The following TSTD1 variants were observed in gnomAD, a reference collection of about 807,000 sequenced individuals.
The protein encoded by TSTD1 is thiosulfate sulfurtransferase like domain containing 1, also known as thiosulfate:glutathione sulfurtransferase.
TSTD1 carries 7 observed loss-of-function variants against 12.6 expected under a neutral mutation model. The observed-to-expected ratio is 0.55, with a 90% CI of 0.32 to 1.04. The LOEUF is 1.04. Among genes scored for constraint, TSTD1 ranks in the 50% least tolerant of loss-of-function variants. The pLI is 0.05. For synonymous variants in TSTD1, 73 were observed against 59.7 expected (o/e 1.22, Z -1.03); for missense variants, 156 against 151.0 (o/e 1.03, Z -0.17).
intron 3 of TSTD1, 22 bp downstream of exon 3, chr1:161,037,891 T>C: frequency 6.4e-7 from 1 of 1,551,768 alleles, no homozygotes; most frequent in Non-Finnish European, 8.7e-7. Flanking sequence ...ACCTCCCAGC[T>C]AGCAGCCACA....
At position 161,038,594 on chromosome 1, in the gene TSTD1, C is replaced by T; in HGVS notation, c.90G>A (p.Glu30=). The part of the protein sequence containing the change: ...RARLFDVRSR[E]EAAAGTIPGA... ...CTGGGATGGTCCCAGCTGCCGCCTCCTCGCGAGAGCGCACGTCGAAGAGCC... is the reference window on the plus strand; with the variant it reads ...CTGGGATGGTCCCAGCTGCCGCCTCTTCGCGAGAGCGCACGTCGAAGAGCC... The change falls in exon 2 of 4, where the codon GAG becomes GAA. Residue 30 remains glutamate (E), a synonymous_variant. Coordinates refer to ENST00000423014, the MANE Select transcript of TSTD1 (RefSeq NM_001113207.2). 1 of 1,550,258 alleles carries T rather than the reference C, an allele frequency of 6.5e-7. No individual in the cohort carries two copies. Among genetic ancestry groups the T allele is most frequent in the South Asian group, 1.2e-5 (1 of 84,014 alleles).
chr1:161,038,709 G>C, intron 1 of TSTD1, 36 bp from the exon 2 acceptor site: 1 of 1,530,212 alleles, frequency 6.5e-7, no homozygotes, highest in South Asian at 1.2e-5. Context: ...AGGAAGAGGG[G>C]GCCTAGGAGT....
chr1:161,038,429 G>T, intron 2 of TSTD1, 122 bp downstream of exon 2: 1 of 1,228,298 alleles, frequency 8.1e-7, no homozygotes, highest in Non-Finnish European at 1.1e-6. Flanking sequence ...GCTGGCTCCC[G>T]GGAATGCAGG....
In TSTD1 at chr1:161,037,762, A is replaced by G; in HGVS notation, c.*13T>C. The G allele has an allele frequency of 6.4e-7, 1 of 1,551,760 alleles. No homozygotes were observed. Among genetic ancestry groups the G allele is most frequent in the Non-Finnish European group, 8.7e-7 (1 of 1,147,002 alleles). ...AGGGGCCAGGGGGTGGCAATCAGTA[A>G]GCTGCCTCCTGCCTAACTCTCTTTC... On this transcript the variant is annotated 3_prime_UTR_variant, in exon 4 of 4. Coordinates refer to ENST00000423014, the MANE Select transcript of TSTD1 (RefSeq NM_001113207.2).
At position 161,038,082 on chromosome 1, in the gene TSTD1, G is replaced by C. The variant is rs1175570309; in HGVS notation, c.134-7C>G. ...GCACTCTCCAACTCGGACACTGGAG[G>C]AGTGGAGAGGGTAGAAGGGAAAGCC... On this transcript the variant is annotated splice_region_variant and splice_polypyrimidine_tract_variant and intron_variant, in intron 2 of 3. Coordinates refer to ENST00000423014, the MANE Select transcript of TSTD1 (RefSeq NM_001113207.2). The C allele has an allele frequency of 6.4e-7, 1 of 1,551,112 alleles. No individual in the cohort carries two copies. Among genetic ancestry groups the C allele is most frequent in the East Asian group, 2.4e-5 (1 of 40,920 alleles).
intron 2 of TSTD1, 175 bp downstream of exon 2, chr1:161,038,376 G>A (rs1327633078): frequency 7.3e-5 from 60 of 822,534 alleles, no homozygotes; most frequent in Non-Finnish European, 1.8e-6. Context: ...CAGTTCCGAT[G>A]CCAAGATCCG....
At position 161,038,030 on chromosome 1, in the gene TSTD1, T is replaced by C; in HGVS notation, c.179A>G (p.Gln60Arg). Residue 60 changes from glutamine (Q) to arginine (R), a missense_variant, in exon 3 of 4, where the codon CAG becomes CGG. Transcript: ENST00000423014. ...TGGCTTCTCAGCAGAATATAAAGCC[T>C]GGAAGGCAGCTGGCTCCATCTGCAG... ...SALQMEPAAF[Q>R]ALYSAEKPKL... 1 of 1,551,676 alleles carries C rather than the reference T, an allele frequency of 6.4e-7. No individual in the cohort carries two copies. Among genetic ancestry groups the C allele is most frequent in the Non-Finnish European group, 8.7e-7 (1 of 1,147,012 alleles).
chr1:161,038,612 G>A lies in TSTD1; in HGVS notation c.72C>T (p.Phe24=), dbSNP rs139587856. ...CCGCCTCCTCGCGAGAGCGCACGTC[G>A]AAGAGCCGGGCCCGTCCGGAGGCTA... ...SLLASGRARL[F]DVRSREEAAA... Residue 24 remains phenylalanine, a synonymous_variant, in exon 2 of 4, where the codon TTC becomes TTT. Transcript: ENST00000423014. 4.4e-5 allele frequency: 68 copies of A among 1,550,442 alleles called. No individual in the cohort carries two copies. In the African/African-American group the frequency reaches 8.3e-4, roughly 19 times the overall value.
Position 161,038,933 on chromosome 1 carries a change from C to A in TSTD1, c.-44G>T, listed in dbSNP as rs1296272202. 1.3e-6 allele frequency: 2 copies of A among 1,547,940 alleles called. No individual in the cohort carries two copies. Among genetic ancestry groups the A allele is most frequent in the African/African-American group, 2.7e-5 (2 of 72,968 alleles). ...GAGTCTCCGGAGTGCGGCCCTGGCCCGCCCTCTCGGCGCCTGCAACATCTC... is the reference window on the plus strand; with the variant it reads ...GAGTCTCCGGAGTGCGGCCCTGGCCAGCCCTCTCGGCGCCTGCAACATCTC... On this transcript the variant is annotated 5_prime_UTR_variant, in exon 1 of 4. Coordinates refer to ENST00000423014, the MANE Select transcript of TSTD1 (RefSeq NM_001113207.2).
chr1:161,038,897 G>GT lies in TSTD1; in HGVS notation c.-9dup. On this transcript the variant is annotated 5_prime_UTR_variant, in exon 1 of 4. Coordinates refer to ENST00000423014, the MANE Select transcript of TSTD1 (RefSeq NM_001113207.2). ...GCAGGTACCTCCAGCCATGGTGCGC[G>GT]TAGCAACCGCGAGTCTCCGGAGTGC... 1 of 1,550,702 alleles carries GT rather than the reference G, an allele frequency of 6.4e-7. No homozygotes were observed. Among genetic ancestry groups the GT allele is most frequent in the Non-Finnish European group, 8.7e-7 (1 of 1,146,354 alleles).
In TSTD1 at chr1:161,038,950, CA is replaced by C; in HGVS notation, c.-62del. The C allele has an allele frequency of 6.5e-7, 1 of 1,547,742 alleles. No homozygotes were observed. Among genetic ancestry groups the C allele is most frequent in the Non-Finnish European group, 8.7e-7 (1 of 1,144,078 alleles). On this transcript the variant is annotated 5_prime_UTR_variant, in exon 1 of 4. Coordinates refer to ENST00000423014, the MANE Select transcript of TSTD1 (RefSeq NM_001113207.2). ...CCCTGGCCCGCCCTCTCGGCGCCTG[CA>C]ACATCTCCCGTTCCCTCCCAGAGCT...
intron 1 of TSTD1, 72 bp downstream of exon 1, chr1:161,038,808 C>T: frequency 6.6e-7 from 1 of 1,526,176 alleles, no homozygotes; most frequent in Non-Finnish European, 8.9e-7. Context: ...TTCGCTCCGC[C>T]ACCCCACTCC....
chr1:161,037,730 G>A lies in TSTD1; in HGVS notation c.*45C>T. 2 of 1,548,716 alleles carry A rather than the reference G, an allele frequency of 1.3e-6. No individual in the cohort carries two copies. Among genetic ancestry groups the A allele is most frequent in the Non-Finnish European group, 1.7e-6 (2 of 1,144,392 alleles). ...CCCGTTCACACCCTTAGTTAAGGTG[G>A]CCATTAAGGGGCCAGGGGGTGGCAA... On this transcript the variant is annotated 3_prime_UTR_variant, in exon 4 of 4. Transcript: ENST00000423014.
chr1:161,038,174 C>T (rs1650306118), intron 2 of TSTD1, 99 bp from the exon 3 acceptor site: 8 of 1,186,790 alleles, frequency 6.7e-6, no homozygotes, highest in Admixed American at 2.7e-5. Context: ...CCCCAAACAA[C>T]ATATGATAAC....
At chr1:161,038,219 A>C (rs1650309040) in intron 2 of TSTD1, 144 bp from the exon 3 acceptor site, 2 of 872,500 alleles carry the variant, frequency 2.3e-6, no homozygotes, top group Admixed American at 2.9e-5. Context: ...CAAGGAACAG[A>C]AACCGACAAC....
intron 1 of TSTD1, 86 bp from the exon 2 acceptor site, chr1:161,038,759 C>G: frequency 1.3e-6 from 2 of 1,519,778 alleles, no homozygotes; most frequent in Non-Finnish European, 1.8e-6. Context: ...CAGCGCCCCT[C>G]CCGGTAGGGT....
intron 3 of TSTD1, 21 bp downstream of exon 3, chr1:161,037,892 A>G (rs774479315): frequency 6.4e-7 from 1 of 1,551,662 alleles, no homozygotes; most frequent in Admixed American, 2.0e-5. Context: ...CCTCCCAGCT[A>G]GCAGCCACAC....
intron 3 of TSTD1, 38 bp from the exon 4 acceptor site, chr1:161,037,864 G>A (rs556208684): frequency 6.4e-7 from 1 of 1,551,782 alleles, no homozygotes; most frequent in African/African-American, 1.4e-5. Context: ...TGACAGGAAT[G>A]ACAGGCAGTC....
chr1:161,038,687 G>GC lies in TSTD1; in HGVS notation c.11-15dup. The GC allele has an allele frequency of 6.5e-7, 1 of 1,541,444 alleles. No homozygotes were observed. The highest frequency in any genetic ancestry group is 1.4e-5 in the African/African-American group (1 of 72,962). On this transcript the variant is annotated splice_polypyrimidine_tract_variant and intron_variant, in intron 1 of 3. Transcript: ENST00000423014. ...AGACCGTGGGCGCTGAGGAAGGGGC[G>GC]CGACAGCCTTCAGGAAGAGGGGGCC...
Sources: gnomAD v4.1 joint callset for allele counts on GRCh38, gnomAD v4.1.1 for gene constraint, MANE v1.5 for transcripts, NCBI Gene and HGNC (gene_info 2026-07-23, HGNC 2026-07-21) for gene names.